The following IPCEF1 variants were observed in gnomAD, a reference collection of about 807,000 sequenced individuals.
IPCEF1 encodes the protein interactor protein for cytohesin exchange factors 1.
In IPCEF1, 31 loss-of-function variants were observed where a neutral mutation model predicts 50.9. That is an observed-to-expected ratio of 0.61 (90% CI 0.46 to 0.82). IPCEF1 has a LOEUF of 0.82. IPCEF1 is among the 40% of genes least tolerant of loss of function. The pLI, the probability that IPCEF1 is intolerant of heterozygous loss-of-function variation, is 0.00. For missense variants in IPCEF1, 458 were observed against 514.0 expected (o/e 0.89, Z 1.05); for synonymous variants, 181 against 192.0 (o/e 0.94, Z 0.47).
At chr6:154,268,054 T>G (rs1583925764) in intron 2 of IPCEF1, among the ~76,000 whole-genome samples, 1 of 152,212 alleles carries the variant, frequency 6.6e-6, no homozygotes, top group Admixed American at 6.5e-5. Context: ...CTTCAGGCCC[T>G]CCCTGGCCTG....
chr6:154,322,851 T>A (rs1258587199), intron 1 of IPCEF1, among the ~76,000 whole-genome samples: 1 of 151,874 alleles, frequency 6.6e-6, no homozygotes, highest in Admixed American at 6.6e-5. Context: ...AAAAAAAAAT[T>A]ATCTCGAAAG....
chr6:154,241,054 G>A (rs1780539108), intron 5 of IPCEF1, among the ~76,000 whole-genome samples: 1 of 152,026 alleles, frequency 6.6e-6, no homozygotes, highest in African/African-American at 2.4e-5. Flanking sequence ...TGGCCAACAT[G>A]GTGAAACCCC....
chr6:154,290,919 T>C (rs1419697393), intron 1 of IPCEF1, among the ~76,000 whole-genome samples: 1 of 130,406 alleles, frequency 7.7e-6, no homozygotes, highest in Non-Finnish European at 1.6e-5. Flanking sequence ...AGACAGAGTC[T>C]CACTCTGTGG....
intron 11 of IPCEF1, among the ~76,000 whole-genome samples, chr6:154,167,169 G>A (rs992746985): frequency 6.6e-6 from 1 of 152,198 alleles, no homozygotes; most frequent in Non-Finnish European, 1.5e-5. Context: ...AAGCTTTTCA[G>A]ATAAATCGTC....
At chr6:154,229,462 G>T (rs182705895) in intron 5 of IPCEF1, among the ~76,000 whole-genome samples, 296 of 146,094 alleles carry the variant, frequency 2.0e-3, no homozygotes, top group African/African-American at 7.4e-3. Context: ...CCATTCTCCC[G>T]CCTCAGCCTC....
intron 6 of IPCEF1, among the ~76,000 whole-genome samples, chr6:154,222,214 C>T (rs1287025515): frequency 6.6e-6 from 1 of 152,204 alleles, no homozygotes; most frequent in South Asian, 2.1e-4. Context: ...ATGAGAAGGG[C>T]TTCCACTTTA....
At chr6:154,185,734 C>T (rs187103600) in intron 10 of IPCEF1, among the ~76,000 whole-genome samples, 1 of 152,226 alleles carries the variant, frequency 6.6e-6, no homozygotes, top group African/African-American at 2.4e-5. Context: ...CTGTCTTGGG[C>T]TACACATAAA....
At position 154,313,067 on chromosome 6, in the gene IPCEF1, C is replaced by CAAAAAAAAAAAAAAAAAAA. The variant is rs71021040; in HGVS notation, c.-61-23330_-61-23312dup. 5.1e-5 allele frequency among the ~76,000 whole-genome samples: 3 copies of CAAAAAAAAAAAAAAAAAAA among 59,032 alleles called. 1 individual carries two copies. Among genetic ancestry groups the CAAAAAAAAAAAAAAAAAAA allele is most frequent in the African/African-American group, 3.1e-4 (3 of 9,540 alleles). The allele number at this position is 59,032 out of a possible 152,430, so 38.7% of individuals were successfully genotyped here. On this transcript the variant is annotated intron_variant, in intron 1 of 11. Coordinates refer to ENST00000367220, the MANE Select transcript of IPCEF1 (RefSeq NM_001130700.2). ...CACTGCAGGCTGTGAGGCCCTGTCT[C>CAAAAAAAAAAAAAAAAAAA]AAAAAAAAAAAAAAAAAAACATGGC... is the stretch of plus-strand genomic sequence containing the variant.
rs376503820 is a variant in IPCEF1, at chr6:154,212,855, T to C, written c.452A>G (p.Glu151Gly). The C allele has an allele frequency of 6.2e-7, 1 of 1,605,832 alleles. No individual in the cohort carries two copies. The highest frequency in any genetic ancestry group is 8.5e-7 in the Non-Finnish European group (1 of 1,172,482). Residue 151 changes from glutamate to glycine, a missense_variant and splice_region_variant, in exon 9 of 12, where the codon GAA (glutamate) becomes GGA (glycine). Glu to Gly is a moderately conservative substitution (Grantham distance 98). Transcript: ENST00000367220. The part of the protein sequence containing the change: ...IHQESTTKDE[E>G]CYSESEQEDP... ...TTCCTGTTCACTTTCACTGTAACAT[T>C]CTATAACAAAAATGAAAATGCTTAA...
intron 10 of IPCEF1, among the ~76,000 whole-genome samples, chr6:154,181,969 G>C (rs961128968): frequency 1.5e-4 from 23 of 152,272 alleles, no homozygotes; most frequent in African/African-American, 4.1e-4. Context: ...ACTCTAGTTG[G>C]GAAAGGTGAG....
In IPCEF1 at chr6:154,158,876, G is replaced by A. The variant is rs1042003473; in HGVS notation, c.*952C>T. ...AAACATACAAAAATAAATCCCTCAT[G>A]TTTAACTCTTTTGTTGCTTCCATGG... is the stretch of plus-strand genomic sequence containing the variant. On this transcript the variant is annotated 3_prime_UTR_variant, in exon 12 of 12. Coordinates refer to ENST00000367220, the MANE Select transcript of IPCEF1 (RefSeq NM_001130700.2). 5 of 152,082 alleles carry A rather than the reference G, an allele frequency of 3.3e-5. No individual in the cohort carries two copies. The highest frequency in any genetic ancestry group is 1.2e-4 in the African/African-American group (5 of 41,412). 9.4% of individuals were successfully genotyped at this position (152,082 alleles called of 1,614,324 possible).
intron 9 of IPCEF1, among the ~76,000 whole-genome samples, chr6:154,204,297 A>C (rs187469510): frequency 6.6e-6 from 1 of 152,308 alleles, no homozygotes; most frequent in Admixed American, 6.5e-5. Flanking sequence ...GGCCACCCAA[A>C]CCCTGTAATT....
chr6:154,292,265 G>A (rs1462188795), intron 1 of IPCEF1, among the ~76,000 whole-genome samples: 1 of 152,104 alleles, frequency 6.6e-6, no homozygotes, highest in Admixed American at 6.5e-5. Context: ...GTACTCACAG[G>A]TTGGAATGCT....
intron 1 of IPCEF1, among the ~76,000 whole-genome samples, chr6:154,345,579 C>A (rs1451720908): frequency 1.3e-5 from 2 of 152,182 alleles, no homozygotes; most frequent in African/African-American, 4.8e-5. Context: ...GCCTCAACCA[C>A]TTTTTGTTCT....
intron 2 of IPCEF1, among the ~76,000 whole-genome samples, chr6:154,278,823 A>G (rs764560074): frequency 4.6e-5 from 7 of 152,120 alleles, no homozygotes; most frequent in Non-Finnish European, 8.8e-5. Flanking sequence ...AATAATTACA[A>G]TTAAAAAGTG....
intron 5 of IPCEF1, 109 bp from the exon 6 acceptor site, chr6:154,223,352 T>C: frequency 1.2e-6 from 1 of 848,938 alleles, no homozygotes; most frequent in Non-Finnish European, 1.9e-6. Context: ...TGAGGGAGAA[T>C]CAAGAGATAC....
At chr6:154,267,457 C>G (rs1781785246) in intron 2 of IPCEF1, among the ~76,000 whole-genome samples, 1 of 152,130 alleles carries the variant, frequency 6.6e-6, no homozygotes, top group African/African-American at 2.4e-5. Context: ...AGAATATTCT[C>G]ACATATTGGG....
chr6:154,273,166 C>A (rs1419145355), intron 2 of IPCEF1, among the ~76,000 whole-genome samples: 1 of 152,156 alleles, frequency 6.6e-6, no homozygotes, highest in Admixed American at 6.5e-5. Flanking sequence ...ATTAATTTAT[C>A]CTTTAAAATT....
chr6:154,352,616 T>A (rs1421483262), intron 1 of IPCEF1, among the ~76,000 whole-genome samples: 1 of 152,216 alleles, frequency 6.6e-6, no homozygotes, highest in Non-Finnish European at 1.5e-5. Context: ...CTATCTCTCC[T>A]TTCTAAGACA....
Sources: gnomAD v4.1 joint callset for allele counts (sites outside exome capture counted in the v4.1 genomes callset) on GRCh38, gnomAD v4.1.1 for gene constraint, MANE v1.5 for transcripts, NCBI Gene and HGNC (gene_info 2026-07-23, HGNC 2026-07-21) for gene names.